The following SPATA31H1 variants were observed in gnomAD, a reference collection of about 807,000 sequenced individuals.
The protein encoded by SPATA31H1 is SPATA31 subfamily H member 1.
At chr2:27,539,812 C>T in the SPATA31H1 span, among the ~76,000 whole-genome samples, 1 of 70,692 alleles carries the variant, frequency 1.4e-5, no homozygotes, top group Non-Finnish European at 2.6e-5. Flanking sequence ...CCAGTAGGGG[C>T]GGCCGGGCAG....
At chr2:27,550,097 C>A in the SPATA31H1 span, among the ~76,000 whole-genome samples, 1 of 151,996 alleles carries the variant, frequency 6.6e-6, no homozygotes, top group East Asian at 1.9e-4. Flanking sequence ...TTCTACACAA[C>A]TATATTGTCT....
the SPATA31H1 span, among the ~76,000 whole-genome samples, chr2:27,554,016 C>G: frequency 6.6e-6 from 1 of 152,052 alleles, no homozygotes; most frequent in East Asian, 1.9e-4. Context: ...GAACATAATT[C>G]TGTTAAGTTC....
At chr2:27,580,773 T>C in the SPATA31H1 span, 1 of 1,614,144 alleles carries the variant, frequency 6.2e-7, no homozygotes, top group South Asian at 1.1e-5. Flanking sequence ...GGACTATTGC[T>C]TACCAAGCAG....
At chr2:27,567,609 A>G in the SPATA31H1 span, 1 of 402,780 alleles carries the variant, frequency 2.5e-6, no homozygotes, top group South Asian at 1.2e-4. Context: ...CCTTGGATTC[A>G]AGCCTTTAGT....
the SPATA31H1 span, chr2:27,574,833 C>T: frequency 2.5e-6 from 1 of 398,470 alleles, no homozygotes; most frequent in Non-Finnish European, 4.4e-6. Flanking sequence ...GGGGACAGAG[C>T]TTCAAGATGT....
chr2:27,543,235 C>G, the SPATA31H1 span, among the ~76,000 whole-genome samples: 2 of 152,008 alleles, frequency 1.3e-5, no homozygotes, highest in Non-Finnish European at 2.9e-5. Flanking sequence ...TCTCAAACTT[C>G]TTTCATCCTC....
At chr2:27,564,339 T>C in the SPATA31H1 span, among the ~76,000 whole-genome samples, 1 of 152,268 alleles carries the variant, frequency 6.6e-6, no homozygotes, top group East Asian at 1.9e-4. Flanking sequence ...AATACACACT[T>C]CACATGGGCC....
At chr2:27,575,568 C>T in the SPATA31H1 span, 1 of 398,484 alleles carries the variant, frequency 2.5e-6, no homozygotes, top group Non-Finnish European at 4.4e-6. This position sits in a 1 kb window ranked among gnomAD's most constrained non-coding sequence, Gnocchi z 4.1. Flanking sequence ...GAATCCTGGG[C>T]CTGAGCTTCA....
chr2:27,573,159 C>G, the SPATA31H1 span: 8 of 398,240 alleles, frequency 2.0e-5, no homozygotes, highest in Admixed American at 1.8e-4. Context: ...AGGGCCAAAA[C>G]TTCAAGGTGC....
chr2:27,582,543 T>C, the SPATA31H1 span: 6 of 1,566,942 alleles, frequency 3.8e-6, no homozygotes, highest in East Asian at 1.3e-4. Context: ...GGTCCGCCCC[T>C]ATTATTCATT....
At chr2:27,544,411 G>A in the SPATA31H1 span, among the ~76,000 whole-genome samples, 3 of 151,826 alleles carry the variant, frequency 2.0e-5, no homozygotes, top group African/African-American at 4.9e-5. Context: ...CTATTGTCAT[G>A]GACTAGTTTT....
chr2:27,551,238 G>T, the SPATA31H1 span, among the ~76,000 whole-genome samples: 1 of 151,822 alleles, frequency 6.6e-6, no homozygotes. Context: ...TTTTGTTTAG[G>T]ACTTTTGCAT....
At chr2:27,538,941 GA>G in the SPATA31H1 span, among the ~76,000 whole-genome samples, 3 of 152,094 alleles carry the variant, frequency 2.0e-5, no homozygotes, top group East Asian at 1.9e-4. Context: ...AAGTGGAAGA[GA>G]AAAAAATATC....
At chr2:27,580,458 C>T in the SPATA31H1 span, 22 of 1,613,946 alleles carry the variant, frequency 1.4e-5, no homozygotes, top group South Asian at 3.3e-5. Flanking sequence ...AATCACCAAG[C>T]GACTTAGAAA....
chr2:27,541,502 A>G, the SPATA31H1 span, among the ~76,000 whole-genome samples: 6 of 152,006 alleles, frequency 3.9e-5, no homozygotes, highest in African/African-American at 1.5e-4. Context: ...AGTGCCTAGT[A>G]TACTGGCTGG....
chr2:27,578,588 A>T, the SPATA31H1 span: 1 of 1,613,900 alleles, frequency 6.2e-7, no homozygotes, highest in Non-Finnish European at 8.5e-7. Context: ...CATTTGAGGA[A>T]CATACAATAT....
the SPATA31H1 span, among the ~76,000 whole-genome samples, chr2:27,552,349 A>C: frequency 6.6e-6 from 1 of 151,954 alleles, no homozygotes; most frequent in African/African-American, 2.4e-5. Flanking sequence ...TGAAGAGACT[A>C]TTATTTTCCT....
At chr2:27,581,401 C>T in the SPATA31H1 span, 1 of 1,613,984 alleles carries the variant, frequency 6.2e-7, no homozygotes, top group African/African-American at 1.3e-5. Flanking sequence ...CGCAGTCCGT[C>T]TCAGAGAAAT....
the SPATA31H1 span, chr2:27,580,243 C>A: frequency 1.2e-6 from 2 of 1,614,162 alleles, no homozygotes; most frequent in Non-Finnish European, 1.7e-6. Flanking sequence ...CCTTCCCAGT[C>A]CCCTGCTCCT....
Sources: gnomAD v4.1 joint callset for allele counts (sites outside exome capture counted in the v4.1 genomes callset) on GRCh38, gnomAD v4.1.1 for gene constraint, Gnocchi (gnomAD v3.1) non-coding constraint, MANE v1.5 for transcripts, NCBI Gene and HGNC (gene_info 2026-07-23, HGNC 2026-07-21) for gene names.